The following PTPRM variants were observed in gnomAD, a reference collection of about 807,000 sequenced individuals.
PTPRM encodes the protein receptor-type tyrosine-protein phosphatase mu.
PTPRM carries 47 observed loss-of-function variants against 186.7 expected under a neutral mutation model. The observed-to-expected ratio is 0.25, with a 90% CI of 0.20 to 0.32. The LOEUF is 0.32. PTPRM is among the 10% of genes least tolerant of loss of function. The pLI is 1.00. For missense variants in PTPRM, 1,494 were observed against 1,865.0 expected, an observed-to-expected ratio of 0.80 and a Z score of 3.66; for synonymous variants, 668 against 674.9, an observed-to-expected ratio of 0.99 and a Z score of 0.16.
chr18:8,049,479 A>G (rs193105894), intron 7 of PTPRM: 1 of 151,948 alleles, frequency 6.6e-6, no homozygotes, highest in East Asian at 1.9e-4. Context: ...TTATGAGACA[A>G]AGAGTTGATT....
At chr18:7,983,576 A>C (rs1348863878) in intron 7 of PTPRM, among the ~76,000 whole-genome samples, 1 of 152,020 alleles carries the variant, frequency 6.6e-6, no homozygotes, top group East Asian at 1.9e-4. Flanking sequence ...TAAGACCTAA[A>C]TCTTACCTTT....
chr18:8,382,428 T>C (rs1431590630), intron 29 of PTPRM, among the ~76,000 whole-genome samples: 2 of 152,136 alleles, frequency 1.3e-5, no homozygotes, highest in Non-Finnish European at 2.9e-5. Flanking sequence ...CAGCTTTTAT[T>C]AACATCTCGG....
chr18:7,715,269 C>A (rs2144811719), intron 1 of PTPRM, among the ~76,000 whole-genome samples: 1 of 152,246 alleles, frequency 6.6e-6, no homozygotes, highest in South Asian at 2.1e-4. Context: ...ATGATTATGT[C>A]AATAGATCCA....
At chr18:8,001,089 G>A (rs1422488930) in intron 7 of PTPRM, among the ~76,000 whole-genome samples, 4 of 152,174 alleles carry the variant, frequency 2.6e-5, no homozygotes, top group South Asian at 4.1e-4. Context: ...AGCAACTGCA[G>A]CTTTGAAGGA....
intron 14 of PTPRM, among the ~76,000 whole-genome samples, chr18:8,179,417 A>G (rs1183493811): frequency 6.6e-6 from 1 of 150,990 alleles, no homozygotes; most frequent in Non-Finnish European, 1.5e-5. Flanking sequence ...GATATTCATG[A>G]CACACCATTC....
intron 13 of PTPRM, among the ~76,000 whole-genome samples, chr18:8,139,528 C>T (rs531260527): frequency 1.3e-5 from 2 of 152,314 alleles, no homozygotes; most frequent in East Asian, 3.9e-4. Context: ...GCTCAGAATC[C>T]TCCCAAGGCT....
intron 23 of PTPRM, among the ~76,000 whole-genome samples, chr18:8,355,957 T>C (rs991825916): frequency 1.2e-4 from 18 of 152,142 alleles, no homozygotes; most frequent in African/African-American, 4.1e-4. Flanking sequence ...GGATAGAACC[T>C]CCGACTCCCA....
intron 6 of PTPRM, among the ~76,000 whole-genome samples, chr18:7,952,118 G>A (rs114707402): frequency 0.022 from 3,313 of 152,018 alleles, 48 homozygotes; most frequent in African/African-American, 0.045. Flanking sequence ...ATTTAGTTAC[G>A]TTTCTATATT....
intron 7 of PTPRM, among the ~76,000 whole-genome samples, chr18:7,992,859 A>G (rs1262931175): frequency 6.6e-6 from 1 of 152,138 alleles, no homozygotes; most frequent in Admixed American, 6.6e-5. Context: ...AATGTAAGAA[A>G]GATTAATAAA....
chr18:8,142,734 GGTGGT>G (rs1568413284), intron 13 of PTPRM, among the ~76,000 whole-genome samples: 1 of 152,138 alleles, frequency 6.6e-6, no homozygotes, highest in Non-Finnish European at 1.5e-5. Context: ...ACCTAGTAAG[GGTGGT>G]GTGGCTCAGA....
chr18:7,669,159 A>T (rs1230379530), intron 1 of PTPRM, among the ~76,000 whole-genome samples: 4 of 151,996 alleles, frequency 2.6e-5, no homozygotes, highest in Non-Finnish European at 5.9e-5. Context: ...GGGCAGGGAG[A>T]TGTGAAACCA....
intron 1 of PTPRM, among the ~76,000 whole-genome samples, chr18:7,746,378 T>A (rs1245219989): frequency 1.3e-5 from 2 of 152,236 alleles, no homozygotes; most frequent in Non-Finnish European, 2.9e-5. Flanking sequence ...TGTAGAATTC[T>A]ATATCTAATG....
chr18:8,333,457 G>A (rs1246991790), intron 22 of PTPRM, among the ~76,000 whole-genome samples: 1 of 152,152 alleles, frequency 6.6e-6, no homozygotes, highest in Non-Finnish European at 1.5e-5. Context: ...GCTACTCAAT[G>A]TAAAATTATA....
chr18:8,239,842 C>A (rs544632421), intron 14 of PTPRM, among the ~76,000 whole-genome samples: 22 of 152,150 alleles, frequency 1.4e-4, no homozygotes, highest in Non-Finnish European at 2.9e-4. Context: ...TTTTAATGAT[C>A]TATTTATAGA....
chr18:8,111,552 G>T (rs1336712386), intron 11 of PTPRM, among the ~76,000 whole-genome samples: 1 of 151,880 alleles, frequency 6.6e-6, no homozygotes, highest in Non-Finnish European at 1.5e-5. Context: ...GGCAGAGCTT[G>T]CAGTGAGCCA....
intron 7 of PTPRM, among the ~76,000 whole-genome samples, chr18:8,019,360 A>G (rs954329425): frequency 6.6e-6 from 1 of 152,176 alleles, no homozygotes; most frequent in Non-Finnish European, 1.5e-5. Context: ...AGAAAATTCT[A>G]CCTAAATTTC....
intron 23 of PTPRM, among the ~76,000 whole-genome samples, chr18:8,354,342 G>A (rs928016403): frequency 4.6e-5 from 7 of 152,142 alleles, no homozygotes; most frequent in Non-Finnish European, 8.8e-5. Context: ...GGGGGCAGTC[G>A]GGAGGAACAG....
At chr18:8,068,954 A>AC (rs1305114702) in intron 7 of PTPRM, among the ~76,000 whole-genome samples, 18 of 151,504 alleles carry the variant, frequency 1.2e-4, no homozygotes, top group South Asian at 4.2e-4. Flanking sequence ...ACACACACAC[A>AC]AAAAAATTAG....
At chr18:8,293,525 C>T (rs953389728) in intron 19 of PTPRM, among the ~76,000 whole-genome samples, 1 of 137,408 alleles carries the variant, frequency 7.3e-6, no homozygotes, top group African/African-American at 2.5e-5. Context: ...CTTCTTCCAT[C>T]TTCCTACAAA....
Sources: allele counts gnomAD v4.1 joint callset (sites outside exome capture counted in the v4.1 genomes callset), GRCh38; gene constraint gnomAD v4.1.1; transcripts MANE v1.5; gene names NCBI Gene and HGNC (gene_info 2026-07-23, HGNC 2026-07-21).